The following CNIH3 variants were observed in gnomAD, a reference collection of about 807,000 sequenced individuals.
The protein encoded by CNIH3 is protein cornichon homolog 3.
Under a neutral mutation model 24.1 loss-of-function variants are expected in CNIH3, and 14 were observed. That is an observed-to-expected ratio of 0.58 (90% CI 0.38 to 0.91). CNIH3 has a LOEUF of 0.91. Ranked by LOEUF, CNIH3 falls within the 40% of genes least tolerant of loss-of-function variation. The pLI is 0.00. For missense variants in CNIH3, 178 were observed against 196.8 expected, an observed-to-expected ratio of 0.90 and a Z score of 0.57; for synonymous variants, 68 against 73.8, an observed-to-expected ratio of 0.92 and a Z score of 0.40.
chr1:224,641,287 C>T (rs1011875276), intron 1 of CNIH3, among the ~76,000 whole-genome samples: 1 of 152,198 alleles, frequency 6.6e-6, no homozygotes, highest in African/African-American at 2.4e-5. Flanking sequence ...GAATGCTCCT[C>T]CTTGCCCACC....
At chr1:224,696,623 T>C (rs1687190325) in intron 3 of CNIH3, among the ~76,000 whole-genome samples, 2 of 152,182 alleles carry the variant, frequency 1.3e-5, no homozygotes, top group African/African-American at 2.4e-5. Flanking sequence ...GGGCATTGTA[T>C]GGGTTGTGGG....
chr1:224,517,291 C>A (rs1678430179), intron 1 of CNIH3, among the ~76,000 whole-genome samples: 1 of 151,928 alleles, frequency 6.6e-6, no homozygotes, highest in South Asian at 2.1e-4. Flanking sequence ...CAGCTGGGAG[C>A]CTATTTAACG....
intron 1 of CNIH3, among the ~76,000 whole-genome samples, chr1:224,444,723 C>T (rs568315372): frequency 6.6e-6 from 1 of 152,214 alleles, no homozygotes; most frequent in Admixed American, 6.5e-5. Flanking sequence ...CGGCTCACTG[C>T]AACCTTCGAC....
chr1:224,610,110 AGAT>A (rs1682613649), intron 3 of CNIH3, among the ~76,000 whole-genome samples: 1 of 152,262 alleles, frequency 6.6e-6, no homozygotes, highest in African/African-American at 2.4e-5. Context: ...GCTTTGTGTT[AGAT>A]GATTTTGCCC....
intron 1 of CNIH3, among the ~76,000 whole-genome samples, chr1:224,650,412 A>G (rs1684808386): frequency 6.6e-6 from 1 of 152,182 alleles, no homozygotes. Flanking sequence ...AAATATTAAT[A>G]CTTGGAGTAA....
intron 2 of CNIH3, among the ~76,000 whole-genome samples, chr1:224,530,850 G>A (rs1028954721): frequency 1.3e-5 from 2 of 152,034 alleles, no homozygotes; most frequent in African/African-American, 2.4e-5. Context: ...CACCTGCCTC[G>A]GCCTCCCAAA....
intron 1 of CNIH3, among the ~76,000 whole-genome samples, chr1:224,675,985 C>G (rs1310511814): frequency 6.6e-6 from 1 of 152,170 alleles, no homozygotes; most frequent in Non-Finnish European, 1.5e-5. Flanking sequence ...CCAGCAATCC[C>G]CCTCCTATTT....
At chr1:224,688,324 T>A (rs759451885) in intron 3 of CNIH3, among the ~76,000 whole-genome samples, 3 of 152,226 alleles carry the variant, frequency 2.0e-5, no homozygotes, top group African/African-American at 4.8e-5. Flanking sequence ...GTTATTTAGC[T>A]TAAGTTGGTA....
At chr1:224,525,380 T>C (rs1469090328) in intron 2 of CNIH3, among the ~76,000 whole-genome samples, 3 of 152,252 alleles carry the variant, frequency 2.0e-5, no homozygotes, top group Non-Finnish European at 2.9e-5. Context: ...ATTTCCTTGC[T>C]TTGGCATCCA....
chr1:224,734,551 C>G lies in CNIH3; in HGVS notation c.312-12C>G, dbSNP rs1189299278. ...AGGACCTCAGAGACAATGATGTCCT[C>G]TCTCCCTGCAGGTATTTCCACTGTC... On this transcript the variant is annotated splice_polypyrimidine_tract_variant and intron_variant, in intron 4 of 5. Transcript: ENST00000272133. 1.9e-6 allele frequency: 3 copies of G among 1,613,700 alleles called. No individual in the cohort carries two copies. Among genetic ancestry groups the G allele is most frequent in the Non-Finnish European group, 2.5e-6 (3 of 1,179,710 alleles).
chr1:224,728,038 A>C (rs1205082669), intron 3 of CNIH3, among the ~76,000 whole-genome samples: 1 of 152,162 alleles, frequency 6.6e-6, no homozygotes, highest in East Asian at 1.9e-4. Flanking sequence ...AAGAGAGAAG[A>C]AGCAGTGGTG....
chr1:224,706,112 T>C (rs1018307019), intron 3 of CNIH3, among the ~76,000 whole-genome samples: 5 of 152,148 alleles, frequency 3.3e-5, no homozygotes, highest in Non-Finnish European at 5.9e-5. Context: ...CCGCACATTG[T>C]AGGTGTCCAG....
chr1:224,700,351 G>A (rs974356571), intron 3 of CNIH3, among the ~76,000 whole-genome samples: 3 of 152,140 alleles, frequency 2.0e-5, no homozygotes, highest in Non-Finnish European at 4.4e-5. Flanking sequence ...CTGAGGTACT[G>A]GGAGTTAGGG....
chr1:224,560,180 T>A (rs1431570567), intron 3 of CNIH3, among the ~76,000 whole-genome samples: 2 of 152,180 alleles, frequency 1.3e-5, no homozygotes, highest in Non-Finnish European at 2.9e-5. Flanking sequence ...TGAACATTCT[T>A]GGGCATGGCT....
chr1:224,498,490 G>A (rs1420635964), intron 1 of CNIH3, among the ~76,000 whole-genome samples: 2 of 152,156 alleles, frequency 1.3e-5, no homozygotes, highest in East Asian at 3.8e-4. Flanking sequence ...AAATAAGAAG[G>A]GAAACCAATG....
chr1:224,609,345 AC>A (rs1464749706), intron 3 of CNIH3, among the ~76,000 whole-genome samples: 38 of 152,248 alleles, frequency 2.5e-4, no homozygotes, highest in African/African-American at 8.9e-4. Context: ...CACTCAAAGA[AC>A]CCCAATTCTC....
intron 3 of CNIH3, among the ~76,000 whole-genome samples, chr1:224,713,678 T>C (rs1688277447): frequency 6.6e-6 from 1 of 152,236 alleles, no homozygotes; most frequent in African/African-American, 2.4e-5. Flanking sequence ...TATATACATA[T>C]AGCCCAGTTT....
At chr1:224,541,840 GTATCT>G (rs773587651), downstream of CNIH3, among the ~76,000 whole-genome samples, 25 of 152,176 alleles carry the variant, frequency 1.6e-4, no homozygotes, top group Admixed American at 9.2e-4. Context: ...GAAAACGACT[GTATCT>G]TATCTTATTT....
chr1:224,613,510 T>C (rs1252024414), upstream of CNIH3, among the ~76,000 whole-genome samples: 5 of 152,192 alleles, frequency 3.3e-5, no homozygotes, highest in Non-Finnish European at 7.3e-5. Context: ...AGAAGCTTGA[T>C]ATAGTTTGGG....
Sources: allele counts gnomAD v4.1 joint callset (sites outside exome capture counted in the v4.1 genomes callset), GRCh38; gene constraint gnomAD v4.1.1; transcripts MANE v1.5; gene names NCBI Gene and HGNC (gene_info 2026-07-23, HGNC 2026-07-21).